INPP4A: variants seen among roughly 807,000 people sequenced by gnomAD.
INPP4A encodes inositol polyphosphate-4-phosphatase type I A, also known as inositol polyphosphate-4-phosphatase, type I, 107kD.
Under a neutral mutation model 119.8 loss-of-function variants are expected in INPP4A, and 33 were observed. The observed-to-expected ratio is 0.28, with a 90% CI of 0.21 to 0.37. INPP4A has a LOEUF of 0.37. INPP4A is among the 10% of genes least tolerant of loss of function. The pLI is 1.00. For missense variants in INPP4A, 956 were observed against 1,289.9 expected (o/e 0.74, Z 3.97); for synonymous variants, 496 against 500.7 (o/e 0.99, Z 0.12).
intron 17 of INPP4A, among the ~76,000 whole-genome samples, chr2:98,561,225 A>G (rs182985072): frequency 7.7e-4 from 117 of 152,320 alleles, no homozygotes; most frequent in African/African-American, 2.5e-3. Context: ...CGGGTTAGGA[A>G]CTAGATAAGG....
At chr2:98,460,720 C>T (rs1002063689) in intron 1 of INPP4A, among the ~76,000 whole-genome samples, 10 of 152,148 alleles carry the variant, frequency 6.6e-5, no homozygotes, top group East Asian at 1.9e-4. Context: ...GCTCACCCAG[C>T]GCTGTGTGGC....
intron 1 of INPP4A, among the ~76,000 whole-genome samples, chr2:98,476,168 G>A (rs986811102): frequency 1.3e-5 from 2 of 152,174 alleles, no homozygotes; most frequent in African/African-American, 4.8e-5. Flanking sequence ...GATTCACATT[G>A]TAGAAACTTT....
Position 98,538,989 on chromosome 2 carries a change from G to C in INPP4A, c.670+8G>C. 3.8e-6 allele frequency: 6 copies of C among 1,580,708 alleles called. No homozygotes were observed. Among genetic ancestry groups the C allele is most frequent in the Non-Finnish European group, 5.2e-6 (6 of 1,153,786 alleles). On this transcript the variant is annotated splice_region_variant and intron_variant, in intron 9 of 24. Coordinates refer to ENST00000409851, the MANE Select transcript of INPP4A (RefSeq NM_001134225.2). ...ACACTTTGCTGAAATCGGGTAAACAGCTTCCTCCTTTGGTATTCTTGCCTC... is the reference window on the plus strand; with the variant it reads ...ACACTTTGCTGAAATCGGGTAAACACCTTCCTCCTTTGGTATTCTTGCCTC...
At chr2:98,560,731 G>A (rs570506370) in intron 17 of INPP4A, among the ~76,000 whole-genome samples, 2 of 152,192 alleles carry the variant, frequency 1.3e-5, no homozygotes, top group Non-Finnish European at 2.9e-5. Context: ...GCTGGCTGTC[G>A]CCTGAGCCTC....
rs1700516164 is a variant in INPP4A at position 98,594,359 on chromosome 2, T to G, written c.*6751T>G. ...CCTATTCACTTTTTGGTATACTGGT[T>G]GTTTAACAGTAAAAATTAAATGTTT... On this transcript the variant is annotated 3_prime_UTR_variant, in exon 25 of 25. Coordinates refer to ENST00000409851, the MANE Select transcript of INPP4A (RefSeq NM_001134225.2). 2 of 152,240 alleles carry G rather than the reference T, an allele frequency of 1.3e-5. No individual in the cohort carries two copies. Among genetic ancestry groups the G allele is most frequent in the East Asian group, 1.9e-4 (1 of 5,204 alleles). The allele number at this position is 152,240 out of a possible 1,614,324, so 9.4% of individuals were successfully genotyped here. A position where few individuals can be genotyped will look rare whatever the true frequency, so the allele number is the denominator to read the frequency against.
intron 10 of INPP4A, among the ~76,000 whole-genome samples, chr2:98,542,103 G>A (rs1425106514): frequency 2.6e-5 from 4 of 152,322 alleles, no homozygotes; most frequent in East Asian, 1.9e-4. Context: ...GAGGGTGATC[G>A]GGGCAGGCCT....
chr2:98,590,182 T>G lies in INPP4A; in HGVS notation c.*2574T>G, dbSNP rs566013426. ...TGTGGTCTTGCCTGATTCATCCTAT[T>G]AGGAGGACTAGTTCTATGTGACCAG... On this transcript the variant is annotated 3_prime_UTR_variant, in exon 25 of 25. Coordinates refer to ENST00000409851, the MANE Select transcript of INPP4A (RefSeq NM_001134225.2). 1 of 203,328 alleles carries G rather than the reference T, an allele frequency of 4.9e-6. No homozygotes were observed. Among genetic ancestry groups the G allele is most frequent in the South Asian group, 1.9e-4 (1 of 5,262 alleles). The allele number at this position is 203,328 out of a possible 1,614,324, so 12.6% of individuals were successfully genotyped here. A position where few individuals can be genotyped will look rare whatever the true frequency, so the allele number is the denominator to read the frequency against.
chr2:98,485,588 G>C (rs556635316), intron 1 of INPP4A, among the ~76,000 whole-genome samples: 2 of 152,092 alleles, frequency 1.3e-5, no homozygotes, highest in African/African-American at 4.8e-5. Flanking sequence ...GCTCACTCTC[G>C]CTTCGGGAAC....
At chr2:98,559,403 G>T (rs997613067) in intron 16 of INPP4A, 60 bp from the exon 17 acceptor site, 5 of 1,594,580 alleles carry the variant, frequency 3.1e-6, no homozygotes, top group Admixed American at 1.7e-5. Flanking sequence ...AGATTGAGTT[G>T]CTTGGTTTGA....
At position 98,566,189 on chromosome 2, in the gene INPP4A, G is replaced by A. The variant is rs1228684354; in HGVS notation, c.2420+20G>A. ...CGAGAGGTGCGTGCCGGCTCCTCGG[G>A]GCTGCGGGGGTGTGGTGGCCCTGGA... On this transcript the variant is annotated intron_variant, in intron 21 of 24. Transcript: ENST00000409851. This position sits in a 1 kb window ranked among gnomAD's most constrained non-coding sequence, Gnocchi z 4.2. 1 of 1,561,622 alleles carries A rather than the reference G, an allele frequency of 6.4e-7. No individual in the cohort carries two copies. Among genetic ancestry groups the A allele is most frequent in the South Asian group, 1.2e-5 (1 of 84,350 alleles).
intron 5 of INPP4A, among the ~76,000 whole-genome samples, chr2:98,535,326 C>T (rs1690030558): frequency 6.6e-6 from 1 of 152,192 alleles, no homozygotes; most frequent in Admixed American, 6.5e-5. Context: ...TTATTTGTAC[C>T]TCTTAAAGGA....
chr2:98,446,747 C>T (rs544926446), intron 1 of INPP4A, among the ~76,000 whole-genome samples: 9 of 152,072 alleles, frequency 5.9e-5, no homozygotes, highest in Admixed American at 5.9e-4. Flanking sequence ...TTGGGTAAGT[C>T]TTGTTTCCCA....
chr2:98,566,029 C>T lies in INPP4A; in HGVS notation c.2280C>T (p.Arg760=), dbSNP rs755309729. Reference sequence around the variant, plus strand: ...TCTCCCTCTCTCCACCTTTCTCCAGCGACGGGTTTAACGTGCGGGTCCCTC... The same window carrying T: ...TCTCCCTCTCTCCACCTTTCTCCAGTGACGGGTTTAACGTGCGGGTCCCTC... The part of the protein sequence containing the change: ...ADMLPVITGN[R]DGFNVRVPLP... Residue 760 remains arginine, a splice_region_variant and synonymous_variant, in exon 21 of 25, where the codon CGC becomes CGT. Transcript: ENST00000409851. This position sits in a 1 kb window ranked among gnomAD's most constrained non-coding sequence, Gnocchi z 4.2. 31 of 1,605,192 alleles carry T rather than the reference C, an allele frequency of 1.9e-5. No homozygotes were observed. In the Admixed American group the frequency reaches 3.7e-4, roughly 19 times the overall value.
At chr2:98,471,423 A>G (rs1675982085) in intron 1 of INPP4A, among the ~76,000 whole-genome samples, 2 of 152,304 alleles carry the variant, frequency 1.3e-5, no homozygotes, top group African/African-American at 4.8e-5. Context: ...AGGTGGGAGT[A>G]TGGTTTTTTA....
chr2:98,490,691 C>A (rs1680538259), intron 1 of INPP4A, among the ~76,000 whole-genome samples: 1 of 152,182 alleles, frequency 6.6e-6, no homozygotes, highest in African/African-American at 2.4e-5. Flanking sequence ...CCACATCTTG[C>A]CCTAGAATTG....
chr2:98,578,325 G>A (rs1698763209), intron 24 of INPP4A, among the ~76,000 whole-genome samples: 1 of 152,154 alleles, frequency 6.6e-6, no homozygotes, highest in Non-Finnish European at 1.5e-5. Context: ...TGGTGGGAGG[G>A]GACATTCTGG....
At chr2:98,482,677 T>C (rs1273830910) in intron 1 of INPP4A, among the ~76,000 whole-genome samples, 1 of 152,254 alleles carries the variant, frequency 6.6e-6, no homozygotes, top group African/African-American at 2.4e-5. Context: ...GTGGTTGACA[T>C]CCAGGGATGA....
chr2:98,562,902 C>T lies in INPP4A; in HGVS notation c.1856-563C>T, dbSNP rs115250395. ...GTGCAAGGTGGGGCCGTTCTGAGGGCTGAAAACTTGGGAGCTGTGGGGAAT... is the reference window on the plus strand; with the variant it reads ...GTGCAAGGTGGGGCCGTTCTGAGGGTTGAAAACTTGGGAGCTGTGGGGAAT... On this transcript the variant is annotated intron_variant, in intron 17 of 24. Coordinates refer to ENST00000409851, the MANE Select transcript of INPP4A (RefSeq NM_001134225.2). Among the ~76,000 whole-genome samples the T allele has an allele frequency of 6.5e-3, 984 of 152,198 alleles. 17 individuals carry two copies. The highest frequency in any genetic ancestry group is 0.022 in the African/African-American group (921 of 41,530).
intron 19 of INPP4A, 79 bp from the exon 20 acceptor site, chr2:98,565,561 G>A: frequency 6.7e-7 from 1 of 1,498,094 alleles, no homozygotes; most frequent in Non-Finnish European, 8.9e-7. Context: ...GCCAGGCCTG[G>A]GCTTGGCTGC....
Sources: allele counts gnomAD v4.1 joint callset (sites outside exome capture counted in the v4.1 genomes callset), GRCh38; gene constraint gnomAD v4.1.1; non-coding constraint Gnocchi (gnomAD v3.1); transcripts MANE v1.5; gene names NCBI Gene and HGNC (gene_info 2026-07-23, HGNC 2026-07-21).